ZNF468: variants seen among roughly 807,000 people sequenced by gnomAD.
ZNF468 encodes zinc finger protein ZNF468.
A neutral mutation model predicts 7.2 loss-of-function variants in ZNF468; 8 were observed. The ratio of observed to expected loss-of-function variants is 1.11; its 90% CI spans 0.65 to 2.01. The LOEUF is 2.01. ZNF468 is among the 30% of genes most tolerant of loss of function. The pLI, the probability that ZNF468 is intolerant of heterozygous loss-of-function variation, is 0.00. For synonymous variants in ZNF468, 218 were observed against 214.4 expected (o/e 1.02, Z -0.15); for missense variants, 608 against 626.5 (o/e 0.97, Z 0.31).
At chr19:52,847,205 A>T (rs1446309245) in intron 3 of ZNF468, among the ~76,000 whole-genome samples, 1 of 152,088 alleles carries the variant, frequency 6.6e-6, no homozygotes, top group Admixed American at 6.6e-5. Flanking sequence ...TCACAGAAAC[A>T]TGTGCTGTAT....
intron 2 of ZNF468, chr19:52,853,895 C>G: frequency 7.7e-7 from 1 of 1,291,428 alleles, no homozygotes; most frequent in Non-Finnish European, 9.8e-7. Context: ...CATATTAATA[C>G]GTGACTCCCA....
chr19:52,849,436 G>T, intron 2 of ZNF468: 1 of 948,214 alleles, frequency 1.1e-6, no homozygotes, highest in Non-Finnish European at 1.5e-6. Flanking sequence ...TTATGTTTGT[G>T]AAAAATAACA....
rs113691491 is a variant in ZNF468, at chr19:52,849,213, C to T, written c.16G>A (p.Gly6Ser). 529 of 1,613,472 alleles carry T rather than the reference C, an allele frequency of 3.3e-4. 2 individuals are homozygous for T. In the African/African-American group the frequency reaches 5.9e-3, roughly 18 times the overall value. ...GCCACGTCCCTGAATGTCAATAGAC[C>T]CTGAAATGAAAACACATTTTAACCA... Reference protein sequence around the residue: MALPQGLLTFRDVAIE... With the variant: MALPQSLLTFRDVAIE... The change falls in exon 3 of 4, where the codon GGT (glycine) becomes AGT (serine). Residue 6 changes from glycine to serine, a missense_variant and splice_region_variant. By Grantham distance (56) the Gly-to-Ser change is moderately conservative. Coordinates refer to ENST00000595646, the MANE Select transcript of ZNF468 (RefSeq NM_001008801.2).
At chr19:52,850,771 C>A (rs937315996) in intron 2 of ZNF468, among the ~76,000 whole-genome samples, 66 of 145,274 alleles carry the variant, frequency 4.5e-4, no homozygotes, top group Admixed American at 1.8e-3. Flanking sequence ...TGGTGGCGGG[C>A]GCCTGTAGTC....
At chr19:52,856,669 CCACA>C in intron 1 of ZNF468, among the ~76,000 whole-genome samples, 1 of 144,758 alleles carries the variant, frequency 6.9e-6, no homozygotes, top group African/African-American at 2.5e-5. Context: ...TGATGAGCCT[CCACA>C]TTTCTGCCCC....
At position 52,838,481 on chromosome 19, in the gene ZNF468, G is replaced by A. The variant is rs1460629763; in HGVS notation, c.*2244C>T. 2 of 152,114 alleles carry A rather than the reference G, an allele frequency of 1.3e-5. No individual in the cohort carries two copies. The highest frequency in any genetic ancestry group is 4.8e-5 in the African/African-American group (2 of 41,406). 9.4% of individuals were successfully genotyped at this position (152,114 alleles called of 1,614,324 possible). On this transcript the variant is annotated 3_prime_UTR_variant, in exon 4 of 4. Coordinates refer to ENST00000595646, the MANE Select transcript of ZNF468 (RefSeq NM_001008801.2). ...CACCCCTTCTATTCAATCAATACTG[G>A]CTGTCCTAGCCAGAACAATGAAATA...
rs1419882121 is a variant in ZNF468 at position 52,840,239 on chromosome 19, T to G, written c.*486A>C. The G allele has an allele frequency of 3.0e-5, 12 of 398,064 alleles. No homozygotes were observed. In the Admixed American group the frequency reaches 4.0e-4, roughly 13 times the overall value. 24.7% of individuals were successfully genotyped at this position (398,064 alleles called of 1,614,324 possible). A position where few individuals can be genotyped will look rare whatever the true frequency, so the allele number is the denominator to read the frequency against. On this transcript the variant is annotated 3_prime_UTR_variant, in exon 4 of 4. Coordinates refer to ENST00000595646, the MANE Select transcript of ZNF468 (RefSeq NM_001008801.2). ...ATGCAGTATGAAGTCTATGATGACT[T>G]GCAAGGTGTGATTGTTGATTAAAAA...
chr19:52,840,031 C>G lies in ZNF468; in HGVS notation c.*694G>C. On this transcript the variant is annotated 3_prime_UTR_variant, in exon 4 of 4. Coordinates refer to ENST00000595646, the MANE Select transcript of ZNF468 (RefSeq NM_001008801.2). ...ACTAAAGGGTTTGCCACACTCATTGCACTTGTAAGGTTTCTCTCCAGTGTG... is the reference window on the plus strand; with the variant it reads ...ACTAAAGGGTTTGCCACACTCATTGGACTTGTAAGGTTTCTCTCCAGTGTG... The G allele has an allele frequency of 7.7e-7, 1 of 1,299,712 alleles. No individual in the cohort carries two copies. Among genetic ancestry groups the G allele is most frequent in the Non-Finnish European group, 1.0e-6 (1 of 975,100 alleles). 80.5% of individuals were successfully genotyped at this position (1,299,712 alleles called of 1,614,324 possible).
At chr19:52,854,459 C>T in intron 1 of ZNF468, 114 bp from the exon 2 acceptor site, 1 of 1,124,454 alleles carries the variant, frequency 8.9e-7, no homozygotes, top group South Asian at 1.6e-5. Flanking sequence ...CTCTGCTGCC[C>T]ACTGCACAAT....
chr19:52,843,120 C>CAA (rs11356842), intron 3 of ZNF468, among the ~76,000 whole-genome samples: 82 of 67,928 alleles, frequency 1.2e-3, no homozygotes, highest in Middle Eastern at 8.6e-3. Flanking sequence ...GACTCTGTCT[C>CAA]AAAAAAAAAA....
At chr19:52,851,932 GTGTA>G (rs972508053) in intron 2 of ZNF468, among the ~76,000 whole-genome samples, 2 of 152,024 alleles carry the variant, frequency 1.3e-5, no homozygotes, top group Non-Finnish European at 2.9e-5. Flanking sequence ...ATAGATGTGT[GTGTA>G]TGTATGTATG....
At chr19:52,849,250 G>A (rs1481552396) in intron 2 of ZNF468, 37 bp from the exon 3 acceptor site, 1 of 1,611,868 alleles carries the variant, frequency 6.2e-7, no homozygotes. Flanking sequence ...ATGGTTATGG[G>A]AGGAGATCTT....
chr19:52,846,791 G>C (rs531733849), intron 3 of ZNF468, among the ~76,000 whole-genome samples: 13 of 152,158 alleles, frequency 8.5e-5, no homozygotes, highest in East Asian at 1.9e-4. Context: ...CACTTGAGAT[G>C]AGGAGTTTGA....
At chr19:52,844,646 C>T (rs1438802200) in intron 3 of ZNF468, among the ~76,000 whole-genome samples, 1 of 152,084 alleles carries the variant, frequency 6.6e-6, no homozygotes, top group Non-Finnish European at 1.5e-5. Context: ...TCTAGTGATT[C>T]TCCTGCTTCA....
At chr19:52,851,407 G>A (rs542447416) in intron 2 of ZNF468, among the ~76,000 whole-genome samples, 2 of 152,128 alleles carry the variant, frequency 1.3e-5, no homozygotes, top group Admixed American at 1.3e-4. Flanking sequence ...AAACCCTGTC[G>A]CTACTGAAAA....
In ZNF468 at chr19:52,849,169, C is replaced by T. The variant is rs2063363966; in HGVS notation, c.60G>A (p.Glu20=). The T allele has an allele frequency of 6.2e-7, 1 of 1,613,850 alleles. No individual in the cohort carries two copies. The highest frequency in any genetic ancestry group is 1.3e-5 in the African/African-American group (1 of 74,898). Residue 20 remains glutamate (E), a synonymous_variant, in exon 3 of 4, where the codon GAG becomes GAA. Coordinates refer to ENST00000595646, the MANE Select transcript of ZNF468 (RefSeq NM_001008801.2). ...GAGCAGGGTCCAGGCATTTCCACTCCTCCTGAGAGAATTCTATGGCCACGT... is the reference window on the plus strand; with the variant it reads ...GAGCAGGGTCCAGGCATTTCCACTCTTCCTGAGAGAATTCTATGGCCACGT... ...FRDVAIEFSQ[E]EWKCLDPAQR...
At chr19:52,846,077 C>G (rs148873077) in intron 3 of ZNF468, among the ~76,000 whole-genome samples, 23 of 152,174 alleles carry the variant, frequency 1.5e-4, no homozygotes, top group Non-Finnish European at 1.6e-4. Context: ...TTCTTCATAA[C>G]TAAACTTTTT....
At chr19:52,849,326 A>G in intron 2 of ZNF468, 113 bp from the exon 3 acceptor site, 2 of 1,565,030 alleles carry the variant, frequency 1.3e-6, no homozygotes, top group Non-Finnish European at 1.7e-6. Flanking sequence ...GAATGTTCTG[A>G]CAAATCCAAA....
chr19:52,850,206 G>A (rs143469775), intron 2 of ZNF468, among the ~76,000 whole-genome samples: 11 of 152,226 alleles, frequency 7.2e-5, no homozygotes, highest in African/African-American at 2.6e-4. Context: ...ATCTCATCTT[G>A]CTGGAAAAGG....
Sources: allele counts gnomAD v4.1 joint callset (sites outside exome capture counted in the v4.1 genomes callset), GRCh38; gene constraint gnomAD v4.1.1; transcripts MANE v1.5; gene names NCBI Gene and HGNC (gene_info 2026-07-23, HGNC 2026-07-21).